The following NOS1AP variants were observed in gnomAD, a reference collection of about 807,000 sequenced individuals.
The protein encoded by NOS1AP is nitric oxide synthase 1 adaptor protein.
Under a neutral mutation model 56.2 loss-of-function variants are expected in NOS1AP, and 21 were observed. The ratio of observed to expected loss-of-function variants is 0.37; its 90% CI spans 0.26 to 0.54. The LOEUF (loss-of-function observed/expected upper bound fraction) is 0.54. Among genes scored for constraint, NOS1AP ranks in the 20% least tolerant of loss-of-function variants. The probability of loss-of-function intolerance (pLI) is 0.84; values close to 1 mark genes in which losing one functional copy is unlikely to be tolerated. For synonymous variants in NOS1AP, 270 were observed against 274.6 expected (o/e 0.98, Z 0.17); for missense variants, 522 against 657.8 (o/e 0.79, Z 2.26).
At chr1:162,136,434 T>C (rs1186823114) in intron 1 of NOS1AP, among the ~76,000 whole-genome samples, 3 of 152,168 alleles carry the variant, frequency 2.0e-5, no homozygotes, top group African/African-American at 7.2e-5. Context: ...ACAAAAGAAA[T>C]GCAAGACATC....
chr1:162,296,742 T>C (rs1655475687), intron 3 of NOS1AP, among the ~76,000 whole-genome samples: 1 of 152,226 alleles, frequency 6.6e-6, no homozygotes, highest in African/African-American at 2.4e-5. Flanking sequence ...CTTAGTTACA[T>C]TCTATAGAAT....
At chr1:162,263,410 C>G (rs1654302146) in intron 2 of NOS1AP, among the ~76,000 whole-genome samples, 1 of 152,174 alleles carries the variant, frequency 6.6e-6, no homozygotes, top group Admixed American at 6.5e-5. Context: ...CAGCATCATT[C>G]CATTAATTAA....
At chr1:162,141,841 G>A (rs1649247060) in intron 1 of NOS1AP, among the ~76,000 whole-genome samples, 1 of 152,332 alleles carries the variant, frequency 6.6e-6, no homozygotes, top group East Asian at 1.9e-4. Flanking sequence ...CCTCTGCTAT[G>A]AGGACTGTTG....
intron 2 of NOS1AP, among the ~76,000 whole-genome samples, chr1:162,285,099 T>A (rs1655048461): frequency 6.6e-6 from 1 of 152,116 alleles, no homozygotes. Flanking sequence ...CAAAGAACAA[T>A]AAAAGAGTTG....
chr1:162,073,257 C>T (rs980383434), intron 1 of NOS1AP, among the ~76,000 whole-genome samples: 1 of 152,144 alleles, frequency 6.6e-6, no homozygotes, highest in African/African-American at 2.4e-5. Context: ...TGCCTTAGTG[C>T]TCACAGTTGT....
chr1:162,237,377 G>T (rs1271469247), intron 2 of NOS1AP, among the ~76,000 whole-genome samples: 1 of 152,194 alleles, frequency 6.6e-6, no homozygotes, highest in Non-Finnish European at 1.5e-5. Context: ...CAGGAGATTT[G>T]AATTTGATTT....
chr1:162,096,644 T>G (rs1692248531), intron 1 of NOS1AP, among the ~76,000 whole-genome samples: 1 of 152,234 alleles, frequency 6.6e-6, no homozygotes, highest in Non-Finnish European at 1.5e-5. Flanking sequence ...ATATATCCAA[T>G]AACATTATAC....
chr1:162,139,358 C>T (rs550168531), intron 1 of NOS1AP, among the ~76,000 whole-genome samples: 1 of 152,278 alleles, frequency 6.6e-6, no homozygotes, highest in Non-Finnish European at 1.5e-5. Flanking sequence ...GAGCTCTACC[C>T]TGCTGTCCAT....
intron 2 of NOS1AP, among the ~76,000 whole-genome samples, chr1:162,204,995 T>A (rs1018502336): frequency 3.3e-5 from 5 of 152,196 alleles, no homozygotes; most frequent in South Asian, 4.1e-4. Flanking sequence ...CACCAGATAT[T>A]CATGAGGCTG....
chr1:162,080,584 GT>G (rs1366619908), intron 1 of NOS1AP, among the ~76,000 whole-genome samples: 1 of 152,196 alleles, frequency 6.6e-6, no homozygotes. Context: ...ATGTGAGTGT[GT>G]TGGGGAGAGA....
At chr1:162,098,799 T>G (rs1198591024) in intron 1 of NOS1AP, among the ~76,000 whole-genome samples, 1 of 152,218 alleles carries the variant, frequency 6.6e-6, no homozygotes, top group Admixed American at 6.5e-5. Context: ...TTGCTGAGGA[T>G]AATGGCTTCA....
intron 8 of NOS1AP, 59 bp downstream of exon 8, chr1:162,357,195 T>C: frequency 1.9e-6 from 3 of 1,577,718 alleles, no homozygotes; most frequent in Non-Finnish European, 2.6e-6. Context: ...TGATGCACCT[T>C]CCCTAGCGAG....
intron 2 of NOS1AP, among the ~76,000 whole-genome samples, chr1:162,253,352 G>A (rs950382582): frequency 6.6e-6 from 1 of 152,162 alleles, no homozygotes; most frequent in African/African-American, 2.4e-5. Context: ...TGTTATAGGT[G>A]CAAAATGAAC....
intron 2 of NOS1AP, among the ~76,000 whole-genome samples, chr1:162,255,742 A>G (rs1220387796): frequency 1.3e-5 from 2 of 152,096 alleles, no homozygotes; most frequent in Non-Finnish European, 2.9e-5. Flanking sequence ...AGTCTCACAA[A>G]CAAGAGAAAC....
intron 2 of NOS1AP, among the ~76,000 whole-genome samples, chr1:162,165,419 G>A (rs1053782483): frequency 3.3e-5 from 5 of 152,118 alleles, no homozygotes; most frequent in Non-Finnish European, 5.9e-5. Flanking sequence ...TTACTGTGTC[G>A]GGCTCCATGC....
intron 1 of NOS1AP, among the ~76,000 whole-genome samples, chr1:162,075,790 G>A (rs995560886): frequency 1.3e-5 from 2 of 151,460 alleles, no homozygotes; most frequent in African/African-American, 4.9e-5. Flanking sequence ...TTTTTGGTGG[G>A]GGGCAGTGAG....
intron 3 of NOS1AP, among the ~76,000 whole-genome samples, chr1:162,295,186 CTCTT>C (rs1346444967): frequency 1.3e-5 from 2 of 152,184 alleles, no homozygotes; most frequent in Admixed American, 6.5e-5. Context: ...CTTTTCTCCT[CTCTT>C]TCTCCTCCTG....
chr1:162,140,582 A>C (rs1558118472), intron 1 of NOS1AP, among the ~76,000 whole-genome samples: 1 of 152,118 alleles, frequency 6.6e-6, no homozygotes, highest in Non-Finnish European at 1.5e-5. Flanking sequence ...TGCCTTTGCT[A>C]TTGTGAATAA....
chr1:162,297,312 G>A (rs954774248), intron 3 of NOS1AP, among the ~76,000 whole-genome samples: 1 of 152,234 alleles, frequency 6.6e-6, no homozygotes, highest in African/African-American at 2.4e-5. Context: ...AAGAGCATGA[G>A]AGAAGTGAAG....
Sources: gnomAD v4.1 joint callset for allele counts (sites outside exome capture counted in the v4.1 genomes callset) on GRCh38, gnomAD v4.1.1 for gene constraint, MANE v1.5 for transcripts, NCBI Gene and HGNC (gene_info 2026-07-23, HGNC 2026-07-21) for gene names.